Variants in HS6ST3 observed in about 807,000 individuals in gnomAD.
HS6ST3 encodes heparan sulfate 6-O-sulfotransferase 3.
Under a neutral mutation model 36.7 loss-of-function variants are expected in HS6ST3, and 12 were observed. The ratio of observed to expected loss-of-function variants is 0.33; its 90% CI spans 0.21 to 0.53. The LOEUF (loss-of-function observed/expected upper bound fraction) is 0.53, where lower values mean the gene tolerates loss of function less well. Ranked by LOEUF, HS6ST3 falls within the 20% of genes least tolerant of loss-of-function variation. HS6ST3 has a pLI of 0.95. For synonymous variants in HS6ST3, 240 were observed against 257.5 expected (o/e 0.93, Z 0.65); for missense variants, 584 against 640.9 (o/e 0.91, Z 0.96).
At chr13:96,544,450 G>T (rs2056189801) in intron 1 of HS6ST3, among the ~76,000 whole-genome samples, 1 of 152,176 alleles carries the variant, frequency 6.6e-6, no homozygotes, top group Admixed American at 6.6e-5. Context: ...CAAGACAATT[G>T]ATGGCAGATG....
chr13:96,254,492 TATATATACACATAC>T lies in HS6ST3; in HGVS notation c.707+162927_707+162940del, dbSNP rs1432685684. The stretch of plus-strand genomic sequence containing the variant: ...ATATATATATATATATATATATATA[TATATATACACATAC>T]ATACACACACACACTTTTTTCTTTT... On this transcript the variant is annotated intron_variant, in intron 1 of 1. Coordinates refer to ENST00000376705, the MANE Select transcript of HS6ST3 (RefSeq NM_153456.4). Among the ~76,000 whole-genome samples, 216 of 24,694 alleles carry T rather than the reference TATATATACACATAC, an allele frequency of 8.7e-3. 12 individuals carry two copies. Among genetic ancestry groups the T allele is most frequent in the African/African-American group, 0.019 (126 of 6,470 alleles). The allele number at this position is 24,694 out of a possible 152,430, so 16.2% of individuals were successfully genotyped here.
chr13:96,100,962 A>G (rs144922080), intron 1 of HS6ST3, among the ~76,000 whole-genome samples: 3,573 of 152,296 alleles, frequency 0.023, 55 homozygotes, highest in Non-Finnish European at 0.038. Context: ...TTCTGCATGG[A>G]CCATTAGTCT....
chr13:96,622,858 A>T (rs184659108), intron 1 of HS6ST3, among the ~76,000 whole-genome samples: 3 of 152,128 alleles, frequency 2.0e-5, no homozygotes, highest in Middle Eastern at 3.4e-3. Context: ...TAGCTGTTTA[A>T]TGTGTCTCTT....
At chr13:96,591,081 C>T (rs1355107881) in intron 1 of HS6ST3, among the ~76,000 whole-genome samples, 4 of 151,342 alleles carry the variant, frequency 2.6e-5, no homozygotes, top group African/African-American at 9.7e-5. Flanking sequence ...AGTACCATGC[C>T]CTTTTAGTTA....
intron 1 of HS6ST3, among the ~76,000 whole-genome samples, chr13:96,684,903 G>A (rs1357070635): frequency 6.6e-6 from 1 of 151,944 alleles, no homozygotes; most frequent in Non-Finnish European, 1.5e-5. Flanking sequence ...GTGTTTATGT[G>A]TATATAATAC....
intron 1 of HS6ST3, among the ~76,000 whole-genome samples, chr13:96,355,205 A>G (rs914593004): frequency 6.6e-6 from 1 of 152,100 alleles, no homozygotes; most frequent in Non-Finnish European, 1.5e-5. Context: ...AGGACTCATC[A>G]CTCTCAGTGC....
intron 1 of HS6ST3, among the ~76,000 whole-genome samples, chr13:96,625,254 C>A (rs936381270): frequency 1.3e-5 from 2 of 152,172 alleles, no homozygotes; most frequent in African/African-American, 4.8e-5. Context: ...TGATGGGCAG[C>A]AAGGGTAACT....
chr13:96,819,570 T>A (rs1177873271), intron 1 of HS6ST3, among the ~76,000 whole-genome samples: 1 of 152,190 alleles, frequency 6.6e-6, no homozygotes, highest in Non-Finnish European at 1.5e-5. Flanking sequence ...GGGTAGTCAA[T>A]TGATGACTCA....
At chr13:96,384,955 G>A (rs975692946) in intron 1 of HS6ST3, among the ~76,000 whole-genome samples, 1 of 152,192 alleles carries the variant, frequency 6.6e-6, no homozygotes, top group Non-Finnish European at 1.5e-5. Flanking sequence ...AGAGGCAGGC[G>A]GATCACCTGA....
intron 1 of HS6ST3, among the ~76,000 whole-genome samples, chr13:96,556,066 T>G (rs575694900): frequency 6.6e-6 from 1 of 152,334 alleles, no homozygotes; most frequent in East Asian, 1.9e-4. Flanking sequence ...ATGGAAAGTT[T>G]CAGGAAGAGT....
rs138012719 is a variant in HS6ST3, at chr13:96,791,652, C to T, written c.708-40838C>T. 4.4e-3 allele frequency among the ~76,000 whole-genome samples: 663 copies of T among 152,158 alleles called. 15 individuals are homozygous for T. The highest frequency in any genetic ancestry group is 0.039 in the Admixed American group (591 of 15,262). ...ATAAGTATGGCCAGGTATTATAGAA[C>T]AAGAAAGGATACCTTTACCTTGAAA... On this transcript the variant is annotated intron_variant, in intron 1 of 1. Transcript: ENST00000376705.
At chr13:96,182,153 T>C (rs1012830900) in intron 1 of HS6ST3, among the ~76,000 whole-genome samples, 9 of 152,236 alleles carry the variant, frequency 5.9e-5, no homozygotes, top group Admixed American at 5.2e-4. Flanking sequence ...TAGACCAGGC[T>C]GTTCATATAA....
intron 1 of HS6ST3, among the ~76,000 whole-genome samples, chr13:96,342,218 C>T (rs1447298026): frequency 1.3e-5 from 2 of 152,080 alleles, no homozygotes; most frequent in African/African-American, 4.8e-5. Context: ...GCAAATCATT[C>T]CTTTTCATAT....
chr13:96,201,721 C>T (rs1213820461), intron 1 of HS6ST3, among the ~76,000 whole-genome samples: 2 of 152,084 alleles, frequency 1.3e-5, no homozygotes, highest in African/African-American at 2.4e-5. Flanking sequence ...TATATGAATA[C>T]GTTTTCGTGA....
intron 1 of HS6ST3, among the ~76,000 whole-genome samples, chr13:96,672,747 A>G (rs1023591051): frequency 6.6e-6 from 1 of 152,196 alleles, no homozygotes; most frequent in Non-Finnish European, 1.5e-5. Flanking sequence ...TAAATAACTG[A>G]TAATTCACTT....
At chr13:96,651,656 C>T (rs1452829356) in intron 1 of HS6ST3, among the ~76,000 whole-genome samples, 1 of 152,072 alleles carries the variant, frequency 6.6e-6, no homozygotes, top group Non-Finnish European at 1.5e-5. Flanking sequence ...TATGTCCTTC[C>T]CACCTTGGAC....
At chr13:96,150,720 G>C (rs1271965548) in intron 1 of HS6ST3, among the ~76,000 whole-genome samples, 3 of 152,126 alleles carry the variant, frequency 2.0e-5, no homozygotes, top group Non-Finnish European at 4.4e-5. Context: ...CTTTGAGCAG[G>C]ATGCCCCAAT....
rs564143398 is a variant in HS6ST3 at position 96,469,798 on chromosome 13, G to A, written c.708-362692G>A. On this transcript the variant is annotated intron_variant, in intron 1 of 1. Coordinates refer to ENST00000376705, the MANE Select transcript of HS6ST3 (RefSeq NM_153456.4). ...GTAGAAATTAATAATGGTAGTAGTG[G>A]CAGGTTATGGCAGTGACTTAAAAGC... 2.0e-5 allele frequency among the ~76,000 whole-genome samples: 3 copies of A among 152,214 alleles called. No homozygotes were observed. In the South Asian group the frequency reaches 6.2e-4, roughly 32 times the overall value.
intron 1 of HS6ST3, among the ~76,000 whole-genome samples, chr13:96,498,973 A>G (rs2055990682): frequency 6.6e-6 from 1 of 152,156 alleles, no homozygotes; most frequent in African/African-American, 2.4e-5. Flanking sequence ...TCTATCATTC[A>G]GGTCAGTATG....
Sources: gnomAD v4.1 joint callset for allele counts (sites outside exome capture counted in the v4.1 genomes callset) on GRCh38, gnomAD v4.1.1 for gene constraint, MANE v1.5 for transcripts, NCBI Gene and HGNC (gene_info 2026-07-23, HGNC 2026-07-21) for gene names.